ZFHX4: variants seen among roughly 807,000 people sequenced by gnomAD.
ZFHX4 encodes the protein zinc finger homeobox protein 4.
ZFHX4 carries 56 observed loss-of-function variants against 267.6 expected under a neutral mutation model. The observed-to-expected ratio is 0.21, with a 90% CI of 0.17 to 0.26. The LOEUF (loss-of-function observed/expected upper bound fraction) is 0.26, where lower values mean the gene tolerates loss of function less well. Ranked by LOEUF, ZFHX4 falls within the 10% of genes least tolerant of loss-of-function variation. ZFHX4 has a pLI of 1.00. For missense variants in ZFHX4, 4,332 were observed against 4,420.0 expected (o/e 0.98, Z 0.56); for synonymous variants, 1,778 against 1,665.6 (o/e 1.07, Z -1.64).
intron 3 of ZFHX4, among the ~76,000 whole-genome samples, chr8:76,743,105 G>A (rs1288717451): frequency 1.3e-5 from 2 of 152,134 alleles, no homozygotes; most frequent in African/African-American, 4.8e-5. Flanking sequence ...GCAGAAGTAT[G>A]GGGAAAAGGA....
At position 76,807,464 on chromosome 8, in the gene ZFHX4, A is replaced by G. The variant is rs551953690; in HGVS notation, c.3326-25874A>G. On this transcript the variant is annotated intron_variant, in intron 4 of 10. Coordinates refer to ENST00000651372, the MANE Select transcript of ZFHX4 (RefSeq NM_024721.5). Reference sequence around the variant, plus strand: ...TCTCTCCTACCAGGAATTGCATGTCAGTAAATGAGTAGGGGGTTTCTGTTT... The same window carrying G: ...TCTCTCCTACCAGGAATTGCATGTCGGTAAATGAGTAGGGGGTTTCTGTTT... Among the ~76,000 whole-genome samples the G allele has an allele frequency of 7.2e-5, 11 of 152,254 alleles. No homozygotes were observed. In the East Asian group the frequency reaches 2.1e-3, roughly 29 times the overall value.
In ZFHX4 at chr8:76,863,761, A is replaced by G. The variant is rs892173694; in HGVS notation, c.10047A>G (p.Thr3349=). 6 of 1,552,706 alleles carry G rather than the reference A, an allele frequency of 3.9e-6. No individual in the cohort carries two copies. The highest frequency in any genetic ancestry group is 5.2e-6 in the Non-Finnish European group (6 of 1,147,646). ...EQQQKPVQAK[T]SKVESDQPQN... is the part of the protein sequence containing the mutation. ...AGCAGAAACCAGTTCAGGCAAAGAC[A>G]TCCAAAGTAGAAAGTGACCAGCCGC... The change falls in exon 11 of 11, where the codon ACA becomes ACG. Residue 3349 remains threonine, a synonymous_variant. Coordinates refer to ENST00000651372, the MANE Select transcript of ZFHX4 (RefSeq NM_024721.5).
intron 1 of ZFHX4, among the ~76,000 whole-genome samples, chr8:76,685,103 A>T (rs763886553): frequency 2.0e-5 from 3 of 152,190 alleles, no homozygotes; most frequent in African/African-American, 7.2e-5. Context: ...AAGATAATAC[A>T]TTTAAGATTG....
At chr8:76,687,872 T>C (rs1351549813) in intron 1 of ZFHX4, among the ~76,000 whole-genome samples, 1 of 152,102 alleles carries the variant, frequency 6.6e-6, no homozygotes, top group African/African-American at 2.4e-5. Context: ...AAAAGCTCTG[T>C]TGAATAGGGT....
chr8:76,843,611 C>G (rs1812292565), intron 6 of ZFHX4, among the ~76,000 whole-genome samples: 1 of 152,130 alleles, frequency 6.6e-6, no homozygotes, highest in South Asian at 2.1e-4. Context: ...GCTACTTTTG[C>G]TGCACGCTAT....
At chr8:76,751,345 T>C (rs577431483) in intron 3 of ZFHX4, among the ~76,000 whole-genome samples, 2 of 152,266 alleles carry the variant, frequency 1.3e-5, no homozygotes, top group South Asian at 2.1e-4. Flanking sequence ...TGAATGGAAA[T>C]TTATTAGGCT....
At position 76,705,774 on chromosome 8, in the gene ZFHX4, A is replaced by C. The variant is rs1396122854; in HGVS notation, c.1686A>C (p.Ala562=). The C allele has an allele frequency of 6.2e-7, 1 of 1,613,890 alleles. No individual in the cohort carries two copies. Among genetic ancestry groups the C allele is most frequent in the African/African-American group, 1.3e-5 (1 of 74,924 alleles). ...TCAGTGGCAAGGACTTTGCAGACGC[A>C]AGTGCCAGTAAAGACAGTGCCACAG... is the stretch of plus-strand genomic sequence containing the variant. The part of the protein sequence containing the change: ...YGISGKDFAD[A]SASKDSATAA... The change falls in exon 2 of 11, where the codon GCA becomes GCC. Residue 562 remains alanine (A), a synonymous_variant. Coordinates refer to ENST00000651372, the MANE Select transcript of ZFHX4 (RefSeq NM_024721.5).
Position 76,756,960 on chromosome 8 carries a change from G to A in ZFHX4, c.3094-21248G>A, listed in dbSNP as rs1448695687. Among the ~76,000 whole-genome samples the A allele has an allele frequency of 2.6e-5, 4 of 151,954 alleles. No individual in the cohort carries two copies. The East Asian group carries it at 7.7e-4, about 29-fold the overall frequency. On this transcript the variant is annotated intron_variant, in intron 3 of 10. Transcript: ENST00000651372. ...TATTTTCCTCTGCATTTACTTAATTGATCACAGCTTGGCTTATTTTTCCAA... is the reference window on the plus strand; with the variant it reads ...TATTTTCCTCTGCATTTACTTAATTAATCACAGCTTGGCTTATTTTTCCAA...
chr8:76,748,529 G>A (rs1185360008), intron 3 of ZFHX4, among the ~76,000 whole-genome samples: 2 of 152,162 alleles, frequency 1.3e-5, no homozygotes, highest in Non-Finnish European at 2.9e-5. Flanking sequence ...CCAAGTCCTG[G>A]ACTCAAGCGA....
intron 4 of ZFHX4, among the ~76,000 whole-genome samples, chr8:76,819,924 G>T (rs539224808): frequency 6.6e-6 from 1 of 152,272 alleles, no homozygotes; most frequent in African/African-American, 2.4e-5. Flanking sequence ...AGAGTATTTA[G>T]GGTGATACAA....
chr8:76,704,679 C>A lies in ZFHX4; in HGVS notation c.591C>A (p.Ile197=). ...CACAGATCATCAACACTTTTCATATCGCTTCATCCCTCGGGAAACCATTTA... is the reference window on the plus strand; with the variant it reads ...CACAGATCATCAACACTTTTCATATAGCTTCATCCCTCGGGAAACCATTTA... ...FYPQIINTFH[I]ASSLGKPFTA... The change falls in exon 2 of 11, where the codon ATC becomes ATA. Residue 197 remains isoleucine (I), a synonymous_variant. Coordinates refer to ENST00000651372, the MANE Select transcript of ZFHX4 (RefSeq NM_024721.5). The A allele has an allele frequency of 3.1e-6, 5 of 1,613,992 alleles. No individual in the cohort carries two copies. Among genetic ancestry groups the A allele is most frequent in the Non-Finnish European group, 4.2e-6 (5 of 1,179,890 alleles).
chr8:76,851,406 C>T lies in ZFHX4; in HGVS notation c.4485C>T (p.His1495=), dbSNP rs377179229. The change falls in exon 10 of 11, where the codon CAC becomes CAT. Residue 1495 remains histidine, a synonymous_variant. Coordinates refer to ENST00000651372, the MANE Select transcript of ZFHX4 (RefSeq NM_024721.5). The stretch of plus-strand genomic sequence containing the variant: ...TGGAGAGAGAGTATGAGGTGGACCA[C>T]GAAGGGAAAGCAAGTCCTGTAGGAA... ...QEMEREYEVD[H]EGKASPVGSD... 40 of 1,613,588 alleles carry T rather than the reference C, an allele frequency of 2.5e-5. No individual in the cohort carries two copies. The South Asian group carries it at 2.9e-4, about 12-fold the overall frequency.
At chr8:76,768,036 CTT>C (rs1290297101) in intron 3 of ZFHX4, among the ~76,000 whole-genome samples, 1 of 151,976 alleles carries the variant, frequency 6.6e-6, no homozygotes, top group Non-Finnish European at 1.5e-5. Context: ...ATTGAGGAGT[CTT>C]TTTGTTGAGG....
Position 76,704,535 on chromosome 8 carries a change from G to A in ZFHX4, c.447G>A (p.Gly149=), listed in dbSNP as rs769631578. Residue 149 remains glycine (G), a synonymous_variant, in exon 2 of 11, where the codon GGG becomes GGA. Coordinates refer to ENST00000651372, the MANE Select transcript of ZFHX4 (RefSeq NM_024721.5). The stretch of plus-strand genomic sequence containing the variant: ...TAATTGAGGACTCCAAAGAAAGTGG[G>A]CAGAATGCACAGACTGGGGCAAATA... ...AYIIEDSKES[G]QNAQTGANSK... 3.6e-5 allele frequency: 58 copies of A among 1,613,828 alleles called. No individual in the cohort carries two copies. The African/African-American group carries it at 5.9e-4, about 16-fold the overall frequency.
intron 1 of ZFHX4, among the ~76,000 whole-genome samples, chr8:76,690,740 CAT>C (rs1323578221): frequency 1.3e-5 from 2 of 152,004 alleles, no homozygotes; most frequent in Non-Finnish European, 2.9e-5. Context: ...CACACACACA[CAT>C]ACACACACGT....
chr8:76,705,618 A>G lies in ZFHX4; in HGVS notation c.1530A>G (p.Leu510=). The G allele has an allele frequency of 6.2e-7, 1 of 1,613,906 alleles. No homozygotes were observed. The highest frequency in any genetic ancestry group is 8.5e-7 in the Non-Finnish European group (1 of 1,179,836). Residue 510 remains leucine, a synonymous_variant, in exon 2 of 11, where the codon TTA becomes TTG. Transcript: ENST00000651372. ...TCTTAAACCAAAGCATTTCTCCTTTATCATCCAGTGTGCTAAAATTTATTG... is the reference window on the plus strand; with the variant it reads ...TCTTAAACCAAAGCATTTCTCCTTTGTCATCCAGTGTGCTAAAATTTATTG... ...FPLLNQSISP[L]SSSVLKFIEK...
chr8:76,863,964 C>T lies in ZFHX4; in HGVS notation c.10250C>T (p.Ala3417Val), dbSNP rs1183954479. The T allele has an allele frequency of 6.2e-7, 1 of 1,611,624 alleles. No homozygotes were observed. The highest frequency in any genetic ancestry group is 2.2e-5 in the East Asian group (1 of 44,714). The change falls in exon 11 of 11, where the codon GCC becomes GTC. Residue 3417 changes from alanine (A) to valine (V), a missense_variant. Ala to Val is a moderately conservative substitution (Grantham distance 64, BLOSUM62 0). Transcript: ENST00000651372. ...KCQMMFTDED[A>V]AVNHQKSFCY... is the part of the protein sequence containing the mutation. The stretch of plus-strand genomic sequence containing the variant: ...CAGATGATGTTTACTGATGAAGACG[C>T]CGCAGTAAATCATCAAAAGTCCTTC...
chr8:76,856,937 T>C (rs1335391803), intron 10 of ZFHX4, among the ~76,000 whole-genome samples: 1 of 152,214 alleles, frequency 6.6e-6, no homozygotes, highest in Non-Finnish European at 1.5e-5. Flanking sequence ...CATTGCTACT[T>C]GTTATTTAAA....
At chr8:76,858,312 T>G (rs755352785) in intron 10 of ZFHX4, among the ~76,000 whole-genome samples, 1 of 152,234 alleles carries the variant, frequency 6.6e-6, no homozygotes, top group Non-Finnish European at 1.5e-5. Flanking sequence ...CTATTTGTAA[T>G]AGCATTAGTG....
Sources: allele counts gnomAD v4.1 joint callset (sites outside exome capture counted in the v4.1 genomes callset), GRCh38; gene constraint gnomAD v4.1.1; transcripts MANE v1.5; gene names NCBI Gene and HGNC (gene_info 2026-07-23, HGNC 2026-07-21).